The following SLC29A4 variants were observed in gnomAD, a reference collection of about 807,000 sequenced individuals.
SLC29A4 encodes equilibrative nucleoside transporter 4.
SLC29A4 carries 36 observed loss-of-function variants against 43.9 expected under a neutral mutation model. The ratio of observed to expected loss-of-function variants is 0.82; its 90% confidence interval spans 0.63 to 1.08. The LOEUF (loss-of-function observed/expected upper bound fraction) is 1.08, where lower values mean the gene tolerates loss of function less well. SLC29A4 is among the 50% of genes least tolerant of loss of function. SLC29A4 has a pLI of 0.00. For missense variants in SLC29A4, 869 were observed against 755.3 expected (o/e 1.15, Z -1.77); for synonymous variants, 491 against 338.0 (o/e 1.45, Z -4.97).
intron 3 of SLC29A4, 23 bp from the exon 4 acceptor site, chr7:5,291,101 C>G (rs938092292): frequency 1.2e-6 from 2 of 1,611,324 alleles, no homozygotes; most frequent in South Asian, 2.2e-5. Flanking sequence ...CCCTGAGCAC[C>G]TGCTGTCTCT....
intron 10 of SLC29A4, among the ~76,000 whole-genome samples, chr7:5,300,879 T>C (rs759462384): frequency 6.6e-6 from 1 of 152,198 alleles, no homozygotes; most frequent in African/African-American, 2.4e-5. Flanking sequence ...GAGCCCCTCC[T>C]GTGGACCAAG....
intron 7 of SLC29A4, among the ~76,000 whole-genome samples, chr7:5,297,965 C>G (rs567599003): frequency 6.6e-6 from 1 of 152,198 alleles, no homozygotes; most frequent in African/African-American, 2.4e-5. Context: ...GGGGTGCCTT[C>G]TGGTGGCAGC....
rs1168352750 is a variant in SLC29A4 at position 5,303,292 on chromosome 7, C to T, written c.*353C>T. The T allele has an allele frequency of 8.4e-6, 3 of 355,260 alleles. No individual in the cohort carries two copies. Among genetic ancestry groups the T allele is most frequent in the Non-Finnish European group, 1.0e-5 (2 of 190,632 alleles). 22.0% of individuals were successfully genotyped at this position (355,260 alleles called of 1,614,324 possible). ...CCCCACCCAGGACAGCAGACACCCG[C>T]CAGAGTGTGCGCGCCCAGTGACTGC... On this transcript the variant is annotated 3_prime_UTR_variant, in exon 11 of 11. Transcript: ENST00000396872.
intron 4 of SLC29A4, 72 bp downstream of exon 4, chr7:5,291,309 C>T (rs555181078): frequency 5.0e-6 from 7 of 1,401,366 alleles, no homozygotes; most frequent in Admixed American, 3.8e-5. Context: ...CCCACTCACC[C>T]AGTTTCCCTG....
At chr7:5,293,159 T>TC (rs932945467) in intron 5 of SLC29A4, among the ~76,000 whole-genome samples, 23 of 147,006 alleles carry the variant, frequency 1.6e-4, no homozygotes, top group African/African-American at 4.7e-4. Flanking sequence ...TTCTTTTTTT[T>TC]CTCTTTTTTT....
intron 5 of SLC29A4, among the ~76,000 whole-genome samples, chr7:5,294,106 G>GAAA (rs57652254): frequency 6.9e-6 from 1 of 145,564 alleles, no homozygotes. Flanking sequence ...GCTCTATCTG[G>GAAA]AAAAAAAAAA....
At chr7:5,297,334 C>G in intron 7 of SLC29A4, 136 bp downstream of exon 7, 1 of 1,021,730 alleles carries the variant, frequency 9.8e-7, no homozygotes, top group Non-Finnish European at 1.4e-6. Flanking sequence ...GAGACTCCTT[C>G]CTGCCAGCCT....
At chr7:5,302,475 C>A (rs1433430042) in intron 10 of SLC29A4, among the ~76,000 whole-genome samples, 1 of 152,108 alleles carries the variant, frequency 6.6e-6, no homozygotes, top group African/African-American at 2.4e-5. Context: ...CCCAGGAGGT[C>A]AAGGCTGCAG....
rs1583637605 is a variant in SLC29A4, at chr7:5,282,966, A to T, written c.-125A>T. 2 of 95,942 alleles carry T rather than the reference A, an allele frequency of 2.1e-5. No individual in the cohort carries two copies. The highest frequency in any genetic ancestry group is 2.4e-4 in the Admixed American group (2 of 8,378). The allele number at this position is 95,942 out of a possible 1,614,324, so 5.9% of individuals were successfully genotyped here. ...GCTGTGCTCGTCGCCGCGCTCGTGG[A>T]CCGGGGCCGGGCGGACTCGGGGACC... On this transcript the variant is annotated 5_prime_UTR_variant, in exon 1 of 11. Coordinates refer to ENST00000396872, the MANE Select transcript of SLC29A4 (RefSeq NM_153247.4).
chr7:5,302,639 A>G (rs1481684599), intron 10 of SLC29A4, among the ~76,000 whole-genome samples, 158 bp from the exon 11 acceptor site: 2 of 152,194 alleles, frequency 1.3e-5, no homozygotes, highest in African/African-American at 4.8e-5. Flanking sequence ...GAGGAAGGAC[A>G]GGATCCGGAG....
intron 7 of SLC29A4, among the ~76,000 whole-genome samples, chr7:5,298,098 C>T (rs182399830): frequency 6.6e-5 from 10 of 152,296 alleles, no homozygotes; most frequent in Admixed American, 3.3e-4. Flanking sequence ...GTCCTCGTTC[C>T]TGAGGGTCGG....
At chr7:5,284,032 A>ACCCC (rs79051188) in intron 1 of SLC29A4, among the ~76,000 whole-genome samples, 2 of 72,250 alleles carry the variant, frequency 2.8e-5, no homozygotes, top group African/African-American at 1.0e-4. Context: ...GAGCTGCACG[A>ACCCC]CCCCCCCCCC....
At chr7:5,286,115 A>G (rs1784928686) in intron 1 of SLC29A4, among the ~76,000 whole-genome samples, 1 of 152,146 alleles carries the variant, frequency 6.6e-6, no homozygotes, top group Non-Finnish European at 1.5e-5. Flanking sequence ...CATACTGGGG[A>G]AACTGAGGCA....
chr7:5,289,620 C>T (rs1467280324), intron 2 of SLC29A4, among the ~76,000 whole-genome samples: 10 of 152,082 alleles, frequency 6.6e-5, no homozygotes, highest in Non-Finnish European at 1.3e-4. Flanking sequence ...AACGCCTTCA[C>T]AGCAGCACCA....
rs371297225 is a variant in SLC29A4 at position 5,299,075 on chromosome 7, C to G, written c.970C>G (p.Arg324Gly). Residue 324 changes from arginine to glycine, a missense_variant, in exon 8 of 11, where the codon CGC becomes GGC. By Grantham distance (125) the Arg-to-Gly change is moderately radical (BLOSUM62 -2). Coordinates refer to ENST00000396872, the MANE Select transcript of SLC29A4 (RefSeq NM_153247.4). ...GACCGGCAGCGGCGGGGCCTACATG[C>G]GCTTTGATGTGCCGCGGCCAAGGGT... ...EVTGSGGAYM[R>G]FDVPRPRVQR... The G allele has an allele frequency of 2.5e-6, 4 of 1,610,944 alleles. No homozygotes were observed. The South Asian group carries it at 3.3e-5, about 13-fold the overall frequency.
At chr7:5,296,126 C>T (rs1311470383) in intron 6 of SLC29A4, among the ~76,000 whole-genome samples, 1 of 152,158 alleles carries the variant, frequency 6.6e-6, no homozygotes, top group African/African-American at 2.4e-5. Context: ...CAGGAACACC[C>T]GTCCCCAGGC....
chr7:5,300,755 A>G (rs1400206566), intron 10 of SLC29A4, 93 bp downstream of exon 10: 4 of 1,504,982 alleles, frequency 2.7e-6, no homozygotes, highest in African/African-American at 2.8e-5. Flanking sequence ...AGGAAGGTGC[A>G]TTTGGGTTCC....
intron 1 of SLC29A4, among the ~76,000 whole-genome samples, chr7:5,285,995 G>T (rs1226895299): frequency 6.6e-6 from 1 of 151,982 alleles, no homozygotes; most frequent in African/African-American, 2.4e-5. Context: ...TGGCAACAAA[G>T]CGAGACTCTG....
rs1422345099 is a variant in SLC29A4, at chr7:5,287,845, A to G, written c.29A>G (p.Glu10Gly). Residue 10 changes from glutamate (E) to glycine (G), a missense_variant, in exon 2 of 11, where the codon GAG becomes GGG. Physicochemically the swap from Glu to Gly is moderately conservative, Grantham distance 98. Coordinates refer to ENST00000396872, the MANE Select transcript of SLC29A4 (RefSeq NM_153247.4). MGSVGSQRLEEPSVAGTPDP... is the reference protein window; with the variant it reads MGSVGSQRLGEPSVAGTPDP... Reference sequence around the variant, plus strand: ...GGCTCCGTGGGGAGCCAGCGCCTTGAGGAGCCCAGCGTGGCAGGCACACCA... The same window carrying G: ...GGCTCCGTGGGGAGCCAGCGCCTTGGGGAGCCCAGCGTGGCAGGCACACCA... 1 of 1,611,766 alleles carries G rather than the reference A, an allele frequency of 6.2e-7. No homozygotes were observed. Among genetic ancestry groups the G allele is most frequent in the African/African-American group, 1.3e-5 (1 of 74,954 alleles).
Sources: gnomAD v4.1 joint callset for allele counts (sites outside exome capture counted in the v4.1 genomes callset) on GRCh38, gnomAD v4.1.1 for gene constraint, MANE v1.5 for transcripts, NCBI Gene and HGNC (gene_info 2026-07-23, HGNC 2026-07-21) for gene names.